HS3ST4: variants seen among roughly 807,000 people sequenced by gnomAD.
The protein encoded by HS3ST4 is heparan sulfate glucosamine 3-O-sulfotransferase 4.
A neutral mutation model predicts 29.2 loss-of-function variants in HS3ST4; 17 were observed. The ratio of observed to expected loss-of-function variants is 0.58; its 90% CI spans 0.40 to 0.87. HS3ST4 has a LOEUF of 0.87. Ranked by LOEUF, HS3ST4 falls within the 40% of genes least tolerant of loss-of-function variation. The probability of loss-of-function intolerance (pLI) is 0.00; values close to 1 mark genes in which losing one functional copy is unlikely to be tolerated. For missense variants in HS3ST4, 627 were observed against 634.5 expected (o/e 0.99, Z 0.13); for synonymous variants, 314 against 285.7 (o/e 1.10, Z -1.00).
At chr16:25,703,115 C>T (rs544832701) in intron 1 of HS3ST4, among the ~76,000 whole-genome samples, 2 of 152,146 alleles carry the variant, frequency 1.3e-5, no homozygotes, top group South Asian at 4.2e-4. Context: ...GCCGAGATTG[C>T]ACCACTGTAC....
chr16:26,017,821 G>A (rs1969375150), intron 1 of HS3ST4, among the ~76,000 whole-genome samples: 1 of 152,074 alleles, frequency 6.6e-6, no homozygotes. Context: ...AGAAGAGCCT[G>A]GGAACAAATT....
intron 1 of HS3ST4, among the ~76,000 whole-genome samples, chr16:25,887,919 G>A (rs911752948): frequency 6.6e-6 from 1 of 151,866 alleles, no homozygotes; most frequent in Non-Finnish European, 1.5e-5. Flanking sequence ...GGATGGTCTC[G>A]ATCTTCTGAC....
chr16:25,876,754 A>G (rs1478031156), intron 1 of HS3ST4, among the ~76,000 whole-genome samples: 2 of 151,864 alleles, frequency 1.3e-5, no homozygotes, highest in African/African-American at 2.4e-5. Context: ...TGGAGACTAC[A>G]TATTTTTGCC....
chr16:26,130,849 C>T (rs953629515), intron 1 of HS3ST4, among the ~76,000 whole-genome samples: 1 of 152,198 alleles, frequency 6.6e-6, no homozygotes, highest in African/African-American at 2.4e-5. Flanking sequence ...CACTTCTTAT[C>T]TGGATCTCCC....
intron 1 of HS3ST4, among the ~76,000 whole-genome samples, chr16:25,906,803 G>A (rs527710607): frequency 1.7e-4 from 26 of 152,234 alleles, no homozygotes; most frequent in African/African-American, 4.3e-4. Context: ...TGGAAATAGC[G>A]CTTAAGGAAG....
At chr16:26,074,374 A>G (rs1898635831) in intron 1 of HS3ST4, among the ~76,000 whole-genome samples, 1 of 152,188 alleles carries the variant, frequency 6.6e-6, no homozygotes, top group African/African-American at 2.4e-5. Flanking sequence ...ACCTTGTGGC[A>G]TGTTCCGGAT....
At chr16:25,871,619 CA>C (rs1354988027) in intron 1 of HS3ST4, among the ~76,000 whole-genome samples, 2 of 152,064 alleles carry the variant, frequency 1.3e-5, no homozygotes, top group Non-Finnish European at 2.9e-5. Context: ...TATTATTTGT[CA>C]CATTTTTCAA....
At chr16:25,868,824 G>C (rs954439023) in intron 1 of HS3ST4, among the ~76,000 whole-genome samples, 11 of 152,128 alleles carry the variant, frequency 7.2e-5, no homozygotes, top group African/African-American at 2.7e-4. Context: ...TAATAAACAC[G>C]GCATCTTCTC....
intron 1 of HS3ST4, among the ~76,000 whole-genome samples, chr16:25,947,562 C>T (rs1160622305): frequency 6.6e-6 from 1 of 151,786 alleles, no homozygotes; most frequent in Admixed American, 6.6e-5. Flanking sequence ...TTTTTTAATG[C>T]AAAATCACAA....
At chr16:25,698,864 G>A (rs541068276) in intron 1 of HS3ST4, among the ~76,000 whole-genome samples, 1 of 152,310 alleles carries the variant, frequency 6.6e-6, no homozygotes, top group African/African-American at 2.4e-5. Flanking sequence ...ATAAATGAGC[G>A]AGGTAGACTA....
intron 1 of HS3ST4, among the ~76,000 whole-genome samples, chr16:25,770,373 A>G (rs1005455812): frequency 1.4e-4 from 21 of 152,162 alleles, no homozygotes; most frequent in Non-Finnish European, 3.1e-4. Flanking sequence ...AGTGCCTTAC[A>G]TGATCATCTC....
chr16:26,100,910 T>C (rs1416926030), intron 1 of HS3ST4, among the ~76,000 whole-genome samples: 1 of 152,108 alleles, frequency 6.6e-6, no homozygotes, highest in Non-Finnish European at 1.5e-5. Flanking sequence ...CGATGGCAGC[T>C]CTCTAACTAA....
At chr16:26,128,384 G>T (rs1899374560) in intron 1 of HS3ST4, among the ~76,000 whole-genome samples, 1 of 152,170 alleles carries the variant, frequency 6.6e-6, no homozygotes, top group Non-Finnish European at 1.5e-5. Flanking sequence ...TGACCCTCTT[G>T]TTGCAAAGCA....
At chr16:26,092,881 C>G (rs1898874196) in intron 1 of HS3ST4, among the ~76,000 whole-genome samples, 1 of 152,090 alleles carries the variant, frequency 6.6e-6, no homozygotes, top group Admixed American at 6.5e-5. Flanking sequence ...GGGACACTCC[C>G]ACTCAAATAC....
chr16:25,831,933 A>G (rs1967306208), intron 1 of HS3ST4, among the ~76,000 whole-genome samples: 1 of 151,988 alleles, frequency 6.6e-6, no homozygotes, highest in Non-Finnish European at 1.5e-5. Context: ...TAGGGAGACT[A>G]TGACTCTACA....
chr16:25,699,001 G>T (rs192760423), intron 1 of HS3ST4, among the ~76,000 whole-genome samples: 1 of 152,316 alleles, frequency 6.6e-6, no homozygotes, highest in East Asian at 1.9e-4. Flanking sequence ...CTGTGTAAGA[G>T]AAACTGGAAA....
intron 1 of HS3ST4, among the ~76,000 whole-genome samples, chr16:25,931,680 C>T (rs1032829122): frequency 6.6e-6 from 1 of 152,196 alleles, no homozygotes; most frequent in South Asian, 2.1e-4. Context: ...GCACTTGGCA[C>T]AGGTCTATGC....
chr16:25,929,869 G>T (rs1968446066), intron 1 of HS3ST4, among the ~76,000 whole-genome samples: 1 of 152,182 alleles, frequency 6.6e-6, no homozygotes, highest in Admixed American at 6.5e-5. Context: ...CTTGCGTCAT[G>T]GGCTTTTGTT....
Position 25,758,812 on chromosome 16 carries a change from C to T in HS3ST4, c.734+65661C>T, listed in dbSNP as rs191539516. Among the ~76,000 whole-genome samples, 22 of 151,866 alleles carry T rather than the reference C, an allele frequency of 1.4e-4. No individual in the cohort carries two copies. In the East Asian group the frequency reaches 1.7e-3, roughly 12 times the overall value. On this transcript the variant is annotated intron_variant, in intron 1 of 1. Coordinates refer to ENST00000331351, the MANE Select transcript of HS3ST4 (RefSeq NM_006040.3). ...CTCTACTAAAAATACAAAAATTAGC[C>T]GGGCGTGGTGGTGCACGCCTGTAAT...
Sources: gnomAD v4.1 joint callset for allele counts (sites outside exome capture counted in the v4.1 genomes callset) on GRCh38, gnomAD v4.1.1 for gene constraint, MANE v1.5 for transcripts, NCBI Gene and HGNC (gene_info 2026-07-23, HGNC 2026-07-21) for gene names.